FAM227B: variants seen among roughly 807,000 people sequenced by gnomAD.
The protein encoded by FAM227B is protein FAM227B.
In FAM227B, 88 loss-of-function variants were observed where a neutral mutation model predicts 73.8. The observed-to-expected ratio is 1.19, with a 90% CI of 1.00 to 1.42. The LOEUF is 1.42. FAM227B is among the 40% of genes most tolerant of loss of function. The probability of loss-of-function intolerance (pLI) is 0.00; values close to 1 mark genes in which losing one functional copy is unlikely to be tolerated. For synonymous variants in FAM227B, 210 were observed against 190.5 expected (o/e 1.10, Z -0.84); for missense variants, 632 against 590.9 (o/e 1.07, Z -0.72).
At chr15:49,430,065 G>A (rs1183951055) in intron 11 of FAM227B, among the ~76,000 whole-genome samples, 1 of 151,868 alleles carries the variant, frequency 6.6e-6, no homozygotes, top group Non-Finnish European at 1.5e-5. Flanking sequence ...ATAAATCTCT[G>A]AATTATGCAC....
At chr15:49,617,854 C>CA (rs200952047) in intron 1 of FAM227B, among the ~76,000 whole-genome samples, 2,636 of 151,144 alleles carry the variant, frequency 0.017, 40 homozygotes, top group Middle Eastern at 0.037. Context: ...ACTTGTGTAA[C>CA]AAAAAAAACA....
chr15:49,546,151 T>C (rs1373383626), intron 9 of FAM227B, among the ~76,000 whole-genome samples: 1 of 152,044 alleles, frequency 6.6e-6, no homozygotes, highest in African/African-American at 2.4e-5. Flanking sequence ...ATGGTCCCCT[T>C]CCTGTGTCCA....
At chr15:49,439,092 TTA>T (rs2051377402) in intron 11 of FAM227B, among the ~76,000 whole-genome samples, 1 of 151,696 alleles carries the variant, frequency 6.6e-6, no homozygotes, top group South Asian at 2.1e-4. Context: ...TGAAGTCTTC[TTA>T]TGTCTTGACT....
At chr15:49,617,515 T>C (rs899953336) in intron 1 of FAM227B, among the ~76,000 whole-genome samples, 1 of 152,076 alleles carries the variant, frequency 6.6e-6, no homozygotes, top group African/African-American at 2.4e-5. Context: ...AATCAGAGGA[T>C]AAAAAAACAA....
At chr15:49,505,044 A>T (rs1451162219) in intron 11 of FAM227B, among the ~76,000 whole-genome samples, 5 of 152,212 alleles carry the variant, frequency 3.3e-5, no homozygotes. Flanking sequence ...TTATATTCCT[A>T]CTATGGAGGA....
At chr15:49,416,612 T>G (rs1597045388) in intron 11 of FAM227B, among the ~76,000 whole-genome samples, 1 of 152,126 alleles carries the variant, frequency 6.6e-6, no homozygotes, top group Non-Finnish European at 1.5e-5. Context: ...GAAAATCGCA[T>G]AGTCTCTGTC....
At chr15:49,442,645 G>T (rs963506361) in intron 11 of FAM227B, among the ~76,000 whole-genome samples, 1 of 151,594 alleles carries the variant, frequency 6.6e-6, no homozygotes, top group Non-Finnish European at 1.5e-5. Flanking sequence ...CTAATTACAT[G>T]AATGCAGTGT....
Position 49,539,433 on chromosome 15 carries a change from C to T in FAM227B, c.874+2247G>A, listed in dbSNP as rs1208917905. 1.3e-5 allele frequency among the ~76,000 whole-genome samples: 2 copies of T among 152,128 alleles called. 1 individual carries two copies. Among genetic ancestry groups the T allele is most frequent in the South Asian group, 4.1e-4 (2 of 4,828 alleles). Reference sequence around the variant, plus strand: ...GGCATCAGTGTCTGATGTTCAGTGCCCACAAAATGGCCATGGTGCCAGGAT... The same window carrying T: ...GGCATCAGTGTCTGATGTTCAGTGCTCACAAAATGGCCATGGTGCCAGGAT... On this transcript the variant is annotated intron_variant, in intron 10 of 15. Coordinates refer to ENST00000299338, the MANE Select transcript of FAM227B (RefSeq NM_152647.3).
chr15:49,354,428 A>C (rs2151328542), intron 13 of FAM227B, among the ~76,000 whole-genome samples: 1 of 152,356 alleles, frequency 6.6e-6, no homozygotes, highest in East Asian at 1.9e-4. Context: ...GCATTGCCTC[A>C]CTTGGGAAGC....
chr15:49,483,448 G>A (rs2056133345), intron 11 of FAM227B, among the ~76,000 whole-genome samples: 1 of 151,920 alleles, frequency 6.6e-6, no homozygotes, highest in Non-Finnish European at 1.5e-5. Context: ...TTGTTCTTTG[G>A]ATTTTGGTTT....
intron 10 of FAM227B, among the ~76,000 whole-genome samples, chr15:49,538,375 A>C (rs2070569724): frequency 1.3e-5 from 2 of 152,178 alleles, no homozygotes; most frequent in Non-Finnish European, 2.9e-5. Context: ...CGCAGAAGGC[A>C]CAACTGCTCT....
chr15:49,473,103 T>C (rs949642695), intron 11 of FAM227B, among the ~76,000 whole-genome samples: 17 of 152,148 alleles, frequency 1.1e-4, no homozygotes, highest in Admixed American at 9.2e-4. Flanking sequence ...CAACTGAATA[T>C]TTTTTAAAAA....
intron 10 of FAM227B, among the ~76,000 whole-genome samples, chr15:49,537,528 T>C (rs2070448665): frequency 6.6e-6 from 1 of 152,048 alleles, no homozygotes; most frequent in South Asian, 2.1e-4. Flanking sequence ...AAATTTAAAA[T>C]AGAACTACCA....
intron 8 of FAM227B, among the ~76,000 whole-genome samples, chr15:49,574,121 G>GT (rs1371360425): frequency 6.6e-6 from 1 of 152,014 alleles, no homozygotes; most frequent in African/African-American, 2.4e-5. Context: ...TTTTGTTGCT[G>GT]TTTAGAGGGG....
rs2060137319 is a variant in FAM227B at position 49,525,706 on chromosome 15, A to ATT, written c.874+15973_874+15974insAA. Among the ~76,000 whole-genome samples the ATT allele has an allele frequency of 5.4e-5, 7 of 130,392 alleles. No homozygotes were observed. In the South Asian group the frequency reaches 1.9e-3, roughly 35 times the overall value. 85.5% of individuals were successfully genotyped at this position (130,392 alleles called of 152,430 possible). On this transcript the variant is annotated intron_variant, in intron 10 of 15. Coordinates refer to ENST00000299338, the MANE Select transcript of FAM227B (RefSeq NM_152647.3). ...TATATATATATATATATATATATAT[A>ATT]TATATATATATATCACAAACAGAGC...
At chr15:49,568,932 T>C (rs1452176815) in intron 8 of FAM227B, among the ~76,000 whole-genome samples, 1 of 152,020 alleles carries the variant, frequency 6.6e-6, no homozygotes, top group Non-Finnish European at 1.5e-5. Flanking sequence ...CTTCAACTTT[T>C]TGAAAGAGTT....
At chr15:49,550,566 G>A (rs1453809741) in intron 9 of FAM227B, among the ~76,000 whole-genome samples, 8 of 151,720 alleles carry the variant, frequency 5.3e-5, no homozygotes, top group South Asian at 2.1e-4. Flanking sequence ...CTTCTCAGAC[G>A]GGGCGGCTGG....
chr15:49,510,955 T>C (rs1348043100), intron 10 of FAM227B, among the ~76,000 whole-genome samples: 1 of 151,568 alleles, frequency 6.6e-6, no homozygotes, highest in Non-Finnish European at 1.5e-5. Context: ...TTCTGTTCTC[T>C]GGAAGTTTTT....
At chr15:49,364,788 C>G (rs969381380) in intron 13 of FAM227B, among the ~76,000 whole-genome samples, 2 of 151,842 alleles carry the variant, frequency 1.3e-5, no homozygotes, top group African/African-American at 4.8e-5. Flanking sequence ...GATAGTAATA[C>G]TTTTATCTAC....
Sources: gnomAD v4.1 joint callset for allele counts (sites outside exome capture counted in the v4.1 genomes callset) on GRCh38, gnomAD v4.1.1 for gene constraint, MANE v1.5 for transcripts, NCBI Gene and HGNC (gene_info 2026-07-23, HGNC 2026-07-21) for gene names.